The following KDM7A variants were observed in gnomAD, a reference collection of about 807,000 sequenced individuals.
KDM7A encodes the protein lysine-specific demethylase 7A.
In KDM7A, 28 loss-of-function variants were observed where a neutral mutation model predicts 114.8. The ratio of observed to expected loss-of-function variants is 0.24; its 90% CI spans 0.18 to 0.33. The LOEUF is 0.33. Ranked by LOEUF, KDM7A falls within the 10% of genes least tolerant of loss-of-function variation. The pLI is 1.00. For synonymous variants in KDM7A, 423 were observed against 397.8 expected (o/e 1.06, Z -0.75); for missense variants, 942 against 1,142.5 (o/e 0.82, Z 2.53).
At chr7:140,143,038 G>A (rs975252180) in intron 1 of KDM7A, among the ~76,000 whole-genome samples, 4 of 151,774 alleles carry the variant, frequency 2.6e-5, no homozygotes, top group African/African-American at 9.7e-5. Context: ...AAAATTAGCC[G>A]GGCGTGGTGG....
intron 18 of KDM7A, 85 bp from the exon 19 acceptor site, chr7:140,092,162 G>A: frequency 7.8e-7 from 1 of 1,280,060 alleles, no homozygotes; most frequent in Non-Finnish European, 1.1e-6. Context: ...AAAGTCAAGT[G>A]AGAGAAGAAA....
intron 17 of KDM7A, 105 bp from the exon 18 acceptor site, chr7:140,094,243 G>C (rs1419008367): frequency 2.6e-6 from 2 of 760,242 alleles, no homozygotes; most frequent in African/African-American, 3.4e-5. Flanking sequence ...GATGGCTCAC[G>C]CCTGTAATCC....
rs141695163 is a variant in KDM7A at position 140,174,592 on chromosome 7, G to A, written c.194+2152C>T. On this transcript the variant is annotated intron_variant, in intron 1 of 19. Transcript: ENST00000397560. ...GCCTATCAAATCCGCATTGCATAAT[G>A]AGACAAGTTTCTTTTTTCTTTTTTT... is the stretch of plus-strand genomic sequence containing the variant. Among the ~76,000 whole-genome samples, 407 of 152,238 alleles carry A rather than the reference G, an allele frequency of 2.7e-3. 4 individuals carry two copies. Among genetic ancestry groups the A allele is most frequent in the African/African-American group, 9.4e-3 (389 of 41,528 alleles).
chr7:140,107,631 C>T (rs545918995), intron 11 of KDM7A, among the ~76,000 whole-genome samples: 12 of 152,260 alleles, frequency 7.9e-5, no homozygotes, highest in East Asian at 3.9e-4. Flanking sequence ...GAGTTTCTGC[C>T]GAGAGATCCG....
intron 14 of KDM7A, among the ~76,000 whole-genome samples, 192 bp downstream of exon 14, chr7:140,098,687 C>A (rs1024003048): frequency 6.6e-6 from 1 of 152,212 alleles, no homozygotes; most frequent in Non-Finnish European, 1.5e-5. Flanking sequence ...CCGCCCCTGG[C>A]CACTGGGCGT....
chr7:140,119,049 G>T, intron 9 of KDM7A, 64 bp downstream of exon 9: 1 of 891,298 alleles, frequency 1.1e-6, no homozygotes, highest in Non-Finnish European at 1.8e-6. Flanking sequence ...CTGTCAGGTG[G>T]CTATGAGTGA....
chr7:140,142,641 A>G (rs1312568084), intron 1 of KDM7A, among the ~76,000 whole-genome samples: 1 of 152,202 alleles, frequency 6.6e-6, no homozygotes, highest in African/African-American at 2.4e-5. Flanking sequence ...GTAGAGCAAT[A>G]GGAACTTTAA....
rs1202467367 is a variant in KDM7A, at chr7:140,119,175, T to C, written c.1184A>G (p.Lys395Arg). The change falls in exon 9 of 20, where the codon AAA becomes AGA. Residue 395 changes from lysine to arginine, a missense_variant. Coordinates refer to ENST00000397560, the MANE Select transcript of KDM7A (RefSeq NM_030647.2). ...ACATATGGCTTCAAAGAAAGGGAAT[T>C]TGAAAAGATCTGGTGTTTTTAGCCT... Reference protein sequence around the residue: ...EKRLKTPDLFKFPFFEAICWF... With the variant: ...EKRLKTPDLFRFPFFEAICWF... 3.7e-6 allele frequency: 6 copies of C among 1,609,320 alleles called. No individual in the cohort carries two copies. Among genetic ancestry groups the C allele is most frequent in the Non-Finnish European group, 5.1e-6 (6 of 1,176,986 alleles).
At chr7:140,117,611 A>G (rs1303335249) in intron 9 of KDM7A, among the ~76,000 whole-genome samples, 2 of 152,332 alleles carry the variant, frequency 1.3e-5, no homozygotes, top group Non-Finnish European at 2.9e-5. Context: ...CAGAAGGTTC[A>G]ATAGTTGGGA....
At chr7:140,093,389 AGAG>A (rs1462550904) in intron 18 of KDM7A, among the ~76,000 whole-genome samples, 6 of 152,138 alleles carry the variant, frequency 3.9e-5, no homozygotes, top group African/African-American at 1.4e-4. Flanking sequence ...TTCTTCACTC[AGAG>A]GAGAACTAGA....
intron 6 of KDM7A, 52 bp from the exon 7 acceptor site, chr7:140,124,835 T>C: frequency 9.3e-7 from 1 of 1,073,366 alleles, no homozygotes; most frequent in Non-Finnish European, 1.4e-6. Context: ...ATACTTAGGA[T>C]AGCCTACATT....
At chr7:140,122,139 G>A (rs1453019132) in intron 7 of KDM7A, among the ~76,000 whole-genome samples, 1 of 152,164 alleles carries the variant, frequency 6.6e-6, no homozygotes, top group African/African-American at 2.4e-5. Context: ...CTACACCAGT[G>A]CTACTGATAG....
chr7:140,108,732 G>A (rs1346877849), intron 11 of KDM7A, among the ~76,000 whole-genome samples: 2 of 152,230 alleles, frequency 1.3e-5, no homozygotes, highest in South Asian at 2.1e-4. Context: ...ACCCACTTGA[G>A]GAGGCAGTCT....
At chr7:140,133,501 A>G (rs375994567) in intron 3 of KDM7A, 38 bp downstream of exon 3, 2 of 1,190,124 alleles carry the variant, frequency 1.7e-6, no homozygotes, top group African/African-American at 3.0e-5. Context: ...ACATTCTTAC[A>G]TTCTTACATT....
chr7:140,100,469 G>C (rs891383306), intron 12 of KDM7A, among the ~76,000 whole-genome samples: 1 of 151,584 alleles, frequency 6.6e-6, no homozygotes, highest in African/African-American at 2.4e-5. Context: ...CTAGGAACAA[G>C]GGTCACCATG....
rs767239340 is a variant in KDM7A at position 140,119,231 on chromosome 7, T to C, written c.1140-12A>G. 3 of 1,436,834 alleles carry C rather than the reference T, an allele frequency of 2.1e-6. No individual in the cohort carries two copies. In the East Asian group the frequency reaches 6.9e-5, roughly 33 times the overall value. The allele number at this position is 1,436,834 out of a possible 1,614,324, so 89.0% of individuals were successfully genotyped here. ...CCATCTCATAACACCTAAATGAGTT[T>C]GAAGAAATTTTTAATATTAATATTA... On this transcript the variant is annotated splice_polypyrimidine_tract_variant and intron_variant, in intron 8 of 19. Transcript: ENST00000397560.
chr7:140,084,978 A>G lies in KDM7A; in HGVS notation c.*6116T>C, dbSNP rs1817899321. ...TATAATAATCAATGTAAGCTACTTAAAGACTTACAAATTTAAAGTAAAACA... is the reference window on the plus strand; with the variant it reads ...TATAATAATCAATGTAAGCTACTTAGAGACTTACAAATTTAAAGTAAAACA... On this transcript the variant is annotated 3_prime_UTR_variant, in exon 20 of 20. Transcript: ENST00000397560. 6.6e-6 allele frequency: 1 copy of G among 152,226 alleles called. No homozygotes were observed. Among genetic ancestry groups the G allele is most frequent in the Admixed American group, 6.5e-5 (1 of 15,286 alleles). The allele number at this position is 152,226 out of a possible 1,614,324, so 9.4% of individuals were successfully genotyped here.
At chr7:140,091,388 C>T in intron 19 of KDM7A, among the ~76,000 whole-genome samples, 200 bp from the exon 20 acceptor site, 1 of 152,204 alleles carries the variant, frequency 6.6e-6, no homozygotes, top group Non-Finnish European at 1.5e-5. Flanking sequence ...ACAAGGCTTC[C>T]CACAGTCTGG....
At chr7:140,134,586 C>T (rs950344675) in intron 2 of KDM7A, among the ~76,000 whole-genome samples, 2 of 151,322 alleles carry the variant, frequency 1.3e-5, no homozygotes, top group African/African-American at 4.9e-5. Flanking sequence ...TTGAAAATTA[C>T]TCTTAAGCCT....
Sources: allele counts gnomAD v4.1 joint callset (sites outside exome capture counted in the v4.1 genomes callset), GRCh38; gene constraint gnomAD v4.1.1; transcripts MANE v1.5; gene names NCBI Gene and HGNC (gene_info 2026-07-23, HGNC 2026-07-21).